CNTNAP5: variants seen among roughly 807,000 people sequenced by gnomAD.
CNTNAP5 encodes the protein contactin associated protein family member 5.
A neutral mutation model predicts 150.2 loss-of-function variants in CNTNAP5; 72 were observed. The ratio of observed to expected loss-of-function variants is 0.48; its 90% confidence interval spans 0.40 to 0.58. CNTNAP5 has a LOEUF of 0.58. CNTNAP5 is among the 20% of genes least tolerant of loss of function. CNTNAP5 has a pLI of 0.00. For synonymous variants in CNTNAP5, 672 were observed against 619.8 expected, an observed-to-expected ratio of 1.08 and a Z score of -1.25; for missense variants, 1,636 against 1,626.2, an observed-to-expected ratio of 1.01 and a Z score of -0.10.
intron 7 of CNTNAP5, among the ~76,000 whole-genome samples, chr2:124,491,365 G>A (rs776384027): frequency 6.6e-6 from 1 of 151,848 alleles, no homozygotes; most frequent in Non-Finnish European, 1.5e-5. Flanking sequence ...GCCACAAATA[G>A]CATGGTTTTC....
intron 3 of CNTNAP5, among the ~76,000 whole-genome samples, chr2:124,289,183 A>G (rs1017013984): frequency 6.6e-6 from 1 of 152,172 alleles, no homozygotes; most frequent in Non-Finnish European, 1.5e-5. Flanking sequence ...TGTCTGGTAT[A>G]TATATTTTAC....
intron 13 of CNTNAP5, among the ~76,000 whole-genome samples, chr2:124,678,927 C>G (rs1026002181): frequency 6.6e-6 from 1 of 151,880 alleles, no homozygotes; most frequent in Non-Finnish European, 1.5e-5. Flanking sequence ...TATAGGCACT[C>G]AATAAATGTT....
chr2:124,535,987 A>C (rs1380707059), intron 10 of CNTNAP5, among the ~76,000 whole-genome samples: 2 of 152,104 alleles, frequency 1.3e-5, no homozygotes, highest in African/African-American at 4.8e-5. Context: ...GGGTAATATA[A>C]AAAGATTACA....
intron 3 of CNTNAP5, among the ~76,000 whole-genome samples, chr2:124,407,574 C>A (rs1176774385): frequency 6.6e-6 from 1 of 152,152 alleles, no homozygotes; most frequent in Non-Finnish European, 1.5e-5. Flanking sequence ...CCCTTCTTCA[C>A]AGGGGAAAGG....
chr2:124,778,198 T>C (rs769515148), intron 17 of CNTNAP5, among the ~76,000 whole-genome samples: 38 of 152,072 alleles, frequency 2.5e-4, no homozygotes, highest in Non-Finnish European at 4.6e-4. Context: ...AAGCCCCAGT[T>C]GGAAAAGAGC....
intron 19 of CNTNAP5, among the ~76,000 whole-genome samples, chr2:124,801,346 A>G (rs774073131): frequency 1.2e-4 from 18 of 152,184 alleles, no homozygotes; most frequent in Non-Finnish European, 2.1e-4. Flanking sequence ...GGAAGCAGTC[A>G]TGTTTCCCAC....
At chr2:124,047,398 A>G (rs1234963860) in intron 1 of CNTNAP5, among the ~76,000 whole-genome samples, 1 of 152,244 alleles carries the variant, frequency 6.6e-6, no homozygotes, top group Non-Finnish European at 1.5e-5. Context: ...CCCAAGGCTT[A>G]TCACTGGTAC....
At chr2:124,865,910 C>T (rs1186005337) in intron 20 of CNTNAP5, among the ~76,000 whole-genome samples, 7 of 151,472 alleles carry the variant, frequency 4.6e-5, no homozygotes, top group Non-Finnish European at 8.8e-5. Flanking sequence ...CGCCATTGAA[C>T]TCCAGCCTGG....
intron 1 of CNTNAP5, among the ~76,000 whole-genome samples, chr2:124,211,563 T>C (rs1029591518): frequency 1.3e-5 from 2 of 151,872 alleles, no homozygotes; most frequent in Non-Finnish European, 2.9e-5. Flanking sequence ...CACATTATGA[T>C]CTTGTAGGAC....
chr2:124,448,419 CA>C (rs1277072186), intron 6 of CNTNAP5, among the ~76,000 whole-genome samples: 1 of 152,110 alleles, frequency 6.6e-6, no homozygotes, highest in African/African-American at 2.4e-5. Context: ...GGAGGTATTT[CA>C]TGACTATTCT....
At chr2:124,892,169 T>C (rs1678208043) in intron 21 of CNTNAP5, among the ~76,000 whole-genome samples, 1 of 152,188 alleles carries the variant, frequency 6.6e-6, no homozygotes, top group African/African-American at 2.4e-5. Flanking sequence ...TGAGCCACTG[T>C]TTTCTTCTTG....
At chr2:124,185,189 T>C (rs983465288) in intron 1 of CNTNAP5, among the ~76,000 whole-genome samples, 1 of 152,310 alleles carries the variant, frequency 6.6e-6, no homozygotes, top group South Asian at 2.1e-4. Flanking sequence ...ACTCCACATT[T>C]TCTACCAAAA....
intron 19 of CNTNAP5, among the ~76,000 whole-genome samples, chr2:124,819,702 G>A (rs947573097): frequency 2.0e-5 from 3 of 152,124 alleles, no homozygotes; most frequent in Non-Finnish European, 4.4e-5. Context: ...AAAGAAACAA[G>A]AGCAGAAGGG....
In CNTNAP5 at chr2:124,860,445, TTCCTTCTTTCCTTCC is replaced by T. The variant is rs1558803788; in HGVS notation, c.3218-4859_3218-4845del. Among the ~76,000 whole-genome samples the T allele has an allele frequency of 6.9e-4, 79 of 114,586 alleles. 2 individuals are homozygous for T. The highest frequency in any genetic ancestry group is 2.5e-3 in the African/African-American group (62 of 24,970). 75.2% of individuals were successfully genotyped at this position (114,586 alleles called of 152,430 possible). On this transcript the variant is annotated intron_variant, in intron 19 of 23. Coordinates refer to ENST00000682447, the MANE Select transcript of CNTNAP5 (RefSeq NM_001367498.1). ...CTTCCTTCCTTCCTTCCTTCCTTCC[TTCCTTCTTTCCTTCC>T]TTCCTTCCTTCCTTCCTTCCTTCCT...
intron 19 of CNTNAP5, among the ~76,000 whole-genome samples, chr2:124,844,727 CA>C (rs1262237908): frequency 6.6e-6 from 1 of 151,016 alleles, no homozygotes; most frequent in Non-Finnish European, 1.5e-5. Context: ...TTTTTTTTTC[CA>C]CCAATGTGAA....
At chr2:124,791,521 G>A (rs72847362) in intron 18 of CNTNAP5, among the ~76,000 whole-genome samples, 31,281 of 151,974 alleles carry the variant, frequency 0.21, 3,764 homozygotes, top group Middle Eastern at 0.34. Flanking sequence ...GGAGGAGCAC[G>A]AACAGAATAA....
chr2:124,901,821 CTT>C (rs1573699450), intron 21 of CNTNAP5, among the ~76,000 whole-genome samples: 1 of 152,134 alleles, frequency 6.6e-6, no homozygotes, highest in East Asian at 1.9e-4. Flanking sequence ...TAGAGCAAAA[CTT>C]AGAAAAGGCA....
chr2:124,532,404 G>A (rs1695130968), intron 10 of CNTNAP5, among the ~76,000 whole-genome samples: 2 of 152,120 alleles, frequency 1.3e-5, no homozygotes, highest in Admixed American at 1.3e-4. Context: ...AAGAGTCTCT[G>A]CCCCGCATCC....
chr2:124,093,579 G>C (rs1260582119), intron 1 of CNTNAP5, among the ~76,000 whole-genome samples: 1 of 152,090 alleles, frequency 6.6e-6, no homozygotes, highest in East Asian at 1.9e-4. Context: ...ATTTTTTTAG[G>C]AGGAATGGGC....
Sources: gnomAD v4.1 joint callset for allele counts (sites outside exome capture counted in the v4.1 genomes callset) on GRCh38, gnomAD v4.1.1 for gene constraint, MANE v1.5 for transcripts, NCBI Gene and HGNC (gene_info 2026-07-23, HGNC 2026-07-21) for gene names.